Variants in TPPP2 observed in about 807,000 individuals in gnomAD.
The protein encoded by TPPP2 is tubulin polymerization promoting protein family member 2, also known as tubulin polymerization-promoting protein family member 2.
TPPP2 carries 8 observed loss-of-function variants against 13.0 expected under a neutral mutation model. The observed-to-expected ratio is 0.62, with a 90% CI of 0.36 to 1.11. The LOEUF (loss-of-function observed/expected upper bound fraction) is 1.11, where lower values mean the gene tolerates loss of function less well. TPPP2 is among the 50% of genes most tolerant of loss of function. The pLI is 0.02. For missense variants in TPPP2, 213 were observed against 216.9 expected (o/e 0.98, Z 0.11); for synonymous variants, 81 against 81.8 (o/e 0.99, Z 0.05).
upstream of TPPP2, chr14:21,025,364 G>A: frequency 3.0e-6 from 3 of 985,454 alleles, no homozygotes; most frequent in Non-Finnish European, 3.6e-6. This position sits in a 1 kb window ranked among gnomAD's most constrained non-coding sequence, Gnocchi z 5.1. Flanking sequence ...GGGATCCCTC[G>A]GCTGCCCTCA....
downstream of TPPP2, chr14:21,032,938 C>G (rs983782592): frequency 2.2e-6 from 1 of 456,034 alleles, no homozygotes; most frequent in African/African-American, 2.0e-5. Context: ...ATCTTACATA[C>G]TCAGATGTGG....
Position 21,025,196 on chromosome 14 carries a change from G to T in TPPP2, n.236+852G>T. On this transcript the variant is annotated intron_variant and non_coding_transcript_variant, in intron 1 of 1. Transcript: ENST00000533755. This position sits in a 1 kb window ranked among gnomAD's most constrained non-coding sequence, Gnocchi z 5.1. ...GTAAACACGCCCCCCCTTTCACCCCGCCCAGACTGCCGCTCAGGAAAGGGT... is the reference window on the plus strand; with the variant it reads ...GTAAACACGCCCCCCCTTTCACCCCTCCCAGACTGCCGCTCAGGAAAGGGT... 3 of 866,236 alleles carry T rather than the reference G, an allele frequency of 3.5e-6. No individual in the cohort carries two copies. Among genetic ancestry groups the T allele is most frequent in the Non-Finnish European group, 4.2e-6 (3 of 722,076 alleles). 53.7% of individuals were successfully genotyped at this position (866,236 alleles called of 1,614,324 possible).
chr14:21,026,267 C>T (rs1883611642), upstream of TPPP2, among the ~76,000 whole-genome samples: 2 of 152,110 alleles, frequency 1.3e-5, no homozygotes, highest in South Asian at 4.1e-4. Context: ...GTTGTTTAGG[C>T]AAAAGGAAAC....
chr14:21,027,591 T>C (rs1158361692), upstream of TPPP2, among the ~76,000 whole-genome samples: 2 of 152,170 alleles, frequency 1.3e-5, no homozygotes, highest in Non-Finnish European at 2.9e-5. Flanking sequence ...ATGGAGAAAA[T>C]GCAAACTATG....
Position 21,032,413 on chromosome 14 carries a change from A to G in TPPP2, c.*336A>G, listed in dbSNP as rs1884279165. 2.3e-6 allele frequency: 1 copy of G among 440,152 alleles called. No individual in the cohort carries two copies. Among genetic ancestry groups the G allele is most frequent in the Non-Finnish European group, 4.5e-6 (1 of 221,828 alleles). 27.3% of individuals were successfully genotyped at this position (440,152 alleles called of 1,614,324 possible). A position where few individuals can be genotyped will look rare whatever the true frequency, so the allele number is the denominator to read the frequency against. ...TATCTACTACTTGTGTTCACACATT[A>G]CTGATATCCACCTCTCCACCCCCAC... On this transcript the variant is annotated 3_prime_UTR_variant, in exon 4 of 4. Transcript: ENST00000321760.
At chr14:21,029,958 C>A (rs566122134), upstream of TPPP2, among the ~76,000 whole-genome samples, 1 of 152,210 alleles carries the variant, frequency 6.6e-6, no homozygotes. Context: ...CTTCCCTGGG[C>A]TCGCCTCAGC....
chr14:21,035,422 T>C (rs1342613718), downstream of TPPP2, among the ~76,000 whole-genome samples: 1 of 152,218 alleles, frequency 6.6e-6, no homozygotes, highest in African/African-American at 2.4e-5. Flanking sequence ...CGCTCCTATC[T>C]TTTTCATCAA....
intron 2 of TPPP2, 101 bp from the exon 3 acceptor site, chr14:21,030,911 G>A: frequency 6.6e-7 from 1 of 1,525,750 alleles, no homozygotes; most frequent in Non-Finnish European, 8.9e-7. Flanking sequence ...CTCACTGATT[G>A]ATAGGACAAA....
At chr14:21,024,908 G>T in intron 1 of TPPP2, 1 of 985,604 alleles carries the variant, frequency 1.0e-6, no homozygotes, top group Non-Finnish European at 1.2e-6. Context: ...CCGAGCGCCC[G>T]CTCCGTGCTG....
chr14:21,032,435 C>T lies in TPPP2; in HGVS notation c.*358C>T. 1 of 424,512 alleles carries T rather than the reference C, an allele frequency of 2.4e-6. No homozygotes were observed. The highest frequency in any genetic ancestry group is 6.7e-5 in the East Asian group (1 of 14,924). 26.3% of individuals were successfully genotyped at this position (424,512 alleles called of 1,614,324 possible). Reference sequence around the variant, plus strand: ...ATTACTGATATCCACCTCTCCACCCCCACCCCTCAAAAGGGTGTAGCAATT... The same window carrying T: ...ATTACTGATATCCACCTCTCCACCCTCACCCCTCAAAAGGGTGTAGCAATT... On this transcript the variant is annotated 3_prime_UTR_variant, in exon 4 of 4. Coordinates refer to ENST00000321760, the MANE Select transcript of TPPP2 (RefSeq NM_173846.5).
downstream of TPPP2, chr14:21,034,001 G>T: frequency 1.2e-6 from 2 of 1,614,158 alleles, no homozygotes; most frequent in Non-Finnish European, 1.7e-6. Flanking sequence ...AGTATTCATT[G>T]TAATTCTCAC....
upstream of TPPP2, chr14:21,025,478 A>G: frequency 1.0e-6 from 1 of 985,452 alleles, no homozygotes; most frequent in Non-Finnish European, 1.2e-6. This position sits in a 1 kb window ranked among gnomAD's most constrained non-coding sequence, Gnocchi z 5.1. Flanking sequence ...AACCCGGGAT[A>G]CTGACACCCC....
chr14:21,030,812 C>T, intron 2 of TPPP2, 58 bp downstream of exon 2: 9 of 1,586,872 alleles, frequency 5.7e-6, no homozygotes, highest in Admixed American at 1.7e-5. Flanking sequence ...TAGTTGGCCA[C>T]GGAAGGGTTC....
upstream of TPPP2, chr14:21,025,266 A>C: frequency 1.1e-6 from 1 of 888,422 alleles, no homozygotes; most frequent in Non-Finnish European, 1.3e-6. The surrounding 1 kb of genome is among the most constrained non-coding windows in gnomAD (Gnocchi z 5.1). Context: ...GGACGCTTCC[A>C]GGCTCTGCTC....
chr14:21,024,351 G>A (rs1404980623), intron 1 of TPPP2: 10 of 971,692 alleles, frequency 1.0e-5, no homozygotes, highest in Non-Finnish European at 1.2e-5. Flanking sequence ...GGAGGTAAGA[G>A]GGTGGCCCTG....
downstream of TPPP2, chr14:21,033,896 G>A (rs1345983261): frequency 3.1e-6 from 5 of 1,614,014 alleles, no homozygotes; most frequent in African/African-American, 6.7e-5. Flanking sequence ...AGAGCTTCTG[G>A]TTGGTTAGGG....
chr14:21,030,696 A>G lies in TPPP2; in HGVS notation c.115A>G (p.Ile39Val), dbSNP rs779043865. 1.2e-6 allele frequency: 2 copies of G among 1,614,238 alleles called. No homozygotes were observed. Among genetic ancestry groups the G allele is most frequent in the Non-Finnish European group, 1.7e-6 (2 of 1,180,040 alleles). ...CTCCAAGCTGTGCAAAGACTGTGGC[A>G]TCATGGATGGCAAGACAGTCACCTC... is the stretch of plus-strand genomic sequence containing the variant. The part of the protein sequence containing the change: ...NFSKLCKDCG[I>V]MDGKTVTSTD... Residue 39 changes from isoleucine to valine, a missense_variant, in exon 2 of 4, where the codon ATC becomes GTC. By Grantham distance (29) the Ile-to-Val change is conservative. Coordinates refer to ENST00000321760, the MANE Select transcript of TPPP2 (RefSeq NM_173846.5).
downstream of TPPP2, chr14:21,033,790 T>C: frequency 7.4e-7 from 1 of 1,349,038 alleles, no homozygotes; most frequent in Non-Finnish European, 1.1e-6. Flanking sequence ...TGGCCTGTGG[T>C]GGTAGAGGTT....
At chr14:21,026,952 G>C (rs1318327674), upstream of TPPP2, among the ~76,000 whole-genome samples, 1 of 152,162 alleles carries the variant, frequency 6.6e-6, no homozygotes, top group Non-Finnish European at 1.5e-5. Context: ...CCTCGAGTGA[G>C]AACTTTTGCC....
Sources: allele counts gnomAD v4.1 joint callset (sites outside exome capture counted in the v4.1 genomes callset), GRCh38; gene constraint gnomAD v4.1.1; non-coding constraint Gnocchi (gnomAD v3.1); transcripts MANE v1.5; gene names NCBI Gene and HGNC (gene_info 2026-07-23, HGNC 2026-07-21).